Variants in CADPS2 observed in about 807,000 individuals in gnomAD.
CADPS2 encodes the protein calcium-dependent secretion activator 2.
In CADPS2, 93 loss-of-function variants were observed where a neutral mutation model predicts 172.5. The ratio of observed to expected loss-of-function variants is 0.54; its 90% confidence interval spans 0.46 to 0.64. The LOEUF (loss-of-function observed/expected upper bound fraction) is 0.64, where lower values mean the gene tolerates loss of function less well. CADPS2 is among the 30% of genes least tolerant of loss of function. The probability of loss-of-function intolerance (pLI) is 0.00; values close to 1 mark genes in which losing one functional copy is unlikely to be tolerated. For missense variants in CADPS2, 1,420 were observed against 1,565.9 expected, an observed-to-expected ratio of 0.91 and a Z score of 1.57; for synonymous variants, 546 against 555.2, an observed-to-expected ratio of 0.98 and a Z score of 0.23.
At chr7:122,332,802 C>T (rs1227531410) in intron 28 of CADPS2, among the ~76,000 whole-genome samples, 1 of 152,168 alleles carries the variant, frequency 6.6e-6, no homozygotes, top group Non-Finnish European at 1.5e-5. Flanking sequence ...TTTCAAAATA[C>T]CCTTCATTCC....
chr7:122,396,685 GA>G (rs2045182322), intron 20 of CADPS2, among the ~76,000 whole-genome samples: 1 of 152,118 alleles, frequency 6.6e-6, no homozygotes, highest in Non-Finnish European at 1.5e-5. Context: ...ATCCTTTCTA[GA>G]AATGCTTCCT....
At chr7:122,755,932 T>C (rs1038619894) in intron 1 of CADPS2, among the ~76,000 whole-genome samples, 7 of 152,188 alleles carry the variant, frequency 4.6e-5, no homozygotes, top group Non-Finnish European at 8.8e-5. Context: ...GTTAACAAAA[T>C]AGTGAATATA....
chr7:122,729,424 A>T (rs893928250), intron 2 of CADPS2, among the ~76,000 whole-genome samples: 4 of 151,520 alleles, frequency 2.6e-5, no homozygotes, highest in Non-Finnish European at 5.9e-5. Context: ...TCTATTTTTA[A>T]TTTTTTAAGG....
At chr7:122,476,199 C>T (rs942458461) in intron 12 of CADPS2, among the ~76,000 whole-genome samples, 1 of 151,816 alleles carries the variant, frequency 6.6e-6, no homozygotes, top group Non-Finnish European at 1.5e-5. Flanking sequence ...TTTTATGAAA[C>T]TAAATTACTA....
At chr7:122,849,985 T>G (rs1172088358) in intron 1 of CADPS2, 2 of 664,866 alleles carry the variant, frequency 3.0e-6, no homozygotes, top group Non-Finnish European at 4.7e-6. Context: ...TGGGCCCACC[T>G]GCCCCCAAGC....
At chr7:122,495,614 T>C (rs369778350) in intron 9 of CADPS2, among the ~76,000 whole-genome samples, 39 of 152,318 alleles carry the variant, frequency 2.6e-4, no homozygotes, top group African/African-American at 8.4e-4. Context: ...ATGGACATTC[T>C]TGTACGTCTT....
intron 2 of CADPS2, among the ~76,000 whole-genome samples, chr7:122,693,893 G>T (rs978643354): frequency 5.9e-5 from 9 of 152,208 alleles, no homozygotes; most frequent in African/African-American, 2.2e-4. Flanking sequence ...CAACTTAGAA[G>T]GAGGAGTTTG....
chr7:122,561,209 A>G (rs903067920), intron 7 of CADPS2, among the ~76,000 whole-genome samples: 1 of 152,000 alleles, frequency 6.6e-6, no homozygotes, highest in African/African-American at 2.4e-5. Context: ...GAGTTCTTTT[A>G]TTTTCAAAGC....
Position 122,839,509 on chromosome 7 carries a change from A to G in CADPS2, c.339+46490T>C, listed in dbSNP as rs1584819178. 5.9e-5 allele frequency among the ~76,000 whole-genome samples: 9 copies of G among 152,346 alleles called. No individual in the cohort carries two copies. In the South Asian group the frequency reaches 1.7e-3, roughly 28 times the overall value. ...GAACAGACAACCTACAGAATGGGAGAACATTTTTGCAATCTACTCATCTGA... is the reference window on the plus strand; with the variant it reads ...GAACAGACAACCTACAGAATGGGAGGACATTTTTGCAATCTACTCATCTGA... On this transcript the variant is annotated intron_variant, in intron 1 of 29. Coordinates refer to ENST00000449022, the MANE Select transcript of CADPS2 (RefSeq NM_017954.11).
intron 2 of CADPS2, among the ~76,000 whole-genome samples, chr7:122,725,713 G>C (rs774291649): frequency 2.6e-5 from 4 of 151,886 alleles, no homozygotes; most frequent in Admixed American, 6.6e-5. Context: ...AAGATCACTT[G>C]AGCCCAGGAG....
At chr7:122,596,551 A>G (rs1229339938) in intron 6 of CADPS2, among the ~76,000 whole-genome samples, 1 of 152,126 alleles carries the variant, frequency 6.6e-6, no homozygotes, top group Non-Finnish European at 1.5e-5. Flanking sequence ...GTAAACAAAT[A>G]CTATAGCAGT....
intron 1 of CADPS2, among the ~76,000 whole-genome samples, chr7:122,814,661 C>G (rs533028181): frequency 5.0e-4 from 76 of 152,206 alleles, no homozygotes; most frequent in African/African-American, 1.7e-3. Context: ...ACTGTCAAGA[C>G]AGAGACAATC....
intron 1 of CADPS2, among the ~76,000 whole-genome samples, chr7:122,794,425 C>A (rs1446452569): frequency 2.0e-5 from 3 of 151,890 alleles, no homozygotes; most frequent in African/African-American, 7.3e-5. Context: ...TTATAAAATT[C>A]TTGTAGTGTG....
chr7:122,661,189 T>G (rs1347548419), intron 3 of CADPS2, among the ~76,000 whole-genome samples: 1 of 152,114 alleles, frequency 6.6e-6, no homozygotes, highest in African/African-American at 2.4e-5. Flanking sequence ...TAATAGAGTA[T>G]CAAAATATAT....
chr7:122,702,799 C>T, intron 2 of CADPS2: 1 of 1,351,400 alleles, frequency 7.4e-7, no homozygotes, highest in South Asian at 1.4e-5. Context: ...AAAACAACAT[C>T]AGTTGTAGAA....
intron 1 of CADPS2, among the ~76,000 whole-genome samples, chr7:122,756,384 T>C (rs761027161): frequency 6.6e-6 from 1 of 152,174 alleles, no homozygotes; most frequent in Non-Finnish European, 1.5e-5. Flanking sequence ...GAAGGTTCAA[T>C]TCAATTTGAA....
At chr7:122,802,309 C>T (rs1320943057) in intron 1 of CADPS2, among the ~76,000 whole-genome samples, 4 of 152,172 alleles carry the variant, frequency 2.6e-5, no homozygotes, top group Admixed American at 6.5e-5. Context: ...AGAGAACCTA[C>T]GATTATTCCC....
intron 1 of CADPS2, among the ~76,000 whole-genome samples, chr7:122,857,195 C>T (rs968053662): frequency 2.6e-5 from 4 of 152,076 alleles, no homozygotes; most frequent in Admixed American, 1.3e-4. Context: ...GGCATGGAAA[C>T]GATAATGATA....
chr7:122,449,154 C>A (rs1326097001), intron 15 of CADPS2, among the ~76,000 whole-genome samples: 1 of 151,970 alleles, frequency 6.6e-6, no homozygotes, highest in Non-Finnish European at 1.5e-5. Flanking sequence ...CAGTTGAAAT[C>A]ATTGATATAA....
Sources: gnomAD v4.1 joint callset for allele counts (sites outside exome capture counted in the v4.1 genomes callset) on GRCh38, gnomAD v4.1.1 for gene constraint, MANE v1.5 for transcripts, NCBI Gene and HGNC (gene_info 2026-07-23, HGNC 2026-07-21) for gene names.